Variants in ATP2C1 observed in about 807,000 individuals in gnomAD.
ATP2C1 encodes the protein ATPase secretory pathway Ca2+ transporting 1.
In ATP2C1, 31 loss-of-function variants were observed where a neutral mutation model predicts 120.5. That is an observed-to-expected ratio of 0.26 (90% confidence interval 0.19 to 0.35). ATP2C1 has a LOEUF of 0.35. ATP2C1 is among the 10% of genes least tolerant of loss of function. The pLI, the probability that ATP2C1 is intolerant of heterozygous loss-of-function variation, is 1.00. For missense variants in ATP2C1, 731 were observed against 1,107.5 expected, an observed-to-expected ratio of 0.66 and a Z score of 4.83; for synonymous variants, 351 against 358.7, an observed-to-expected ratio of 0.98 and a Z score of 0.24.
At chr3:130,888,240 C>T (rs907725061) in intron 1 of ATP2C1, among the ~76,000 whole-genome samples, 7 of 152,088 alleles carry the variant, frequency 4.6e-5, no homozygotes, top group African/African-American at 7.2e-5. Context: ...CCTCTTCATA[C>T]GCAGAGGAGT....
intron 22 of ATP2C1, among the ~76,000 whole-genome samples, chr3:130,995,312 G>T (rs1170650240): frequency 6.6e-6 from 1 of 151,996 alleles, no homozygotes; most frequent in Non-Finnish European, 1.5e-5. Context: ...CTACTCTAGA[G>T]GCTGAGCTGG....
rs1392434486 is a variant in ATP2C1 at position 130,993,014 on chromosome 3, G to C, written c.1890+13G>C. The C allele has an allele frequency of 6.2e-7, 1 of 1,608,270 alleles. No homozygotes were observed. On this transcript the variant is annotated intron_variant, in intron 21 of 27. Transcript: ENST00000510168. ...GAAAATTATTAAGGTGAGTGTGTAA[G>C]AATCAGATTGTTTTATTTCTGTATA...
intron 8 of ATP2C1, among the ~76,000 whole-genome samples, chr3:130,953,594 G>A (rs2060461471): frequency 6.6e-6 from 1 of 152,104 alleles, no homozygotes. Flanking sequence ...GGCTAATCTA[G>A]TCTCATGGTA....
At chr3:130,953,658 T>C (rs1288576398) in intron 8 of ATP2C1, among the ~76,000 whole-genome samples, 163 bp from the exon 9 acceptor site, 1 of 152,234 alleles carries the variant, frequency 6.6e-6, no homozygotes, top group African/African-American at 2.4e-5. Context: ...TATTTTAAAA[T>C]ATGATTGTAC....
In ATP2C1 at chr3:130,956,093, A is replaced by T; in HGVS notation, c.757-11A>T. The stretch of plus-strand genomic sequence containing the variant: ...GCTAATTGTGGTGACACTCTTCTTC[A>T]ATTTATCAAGGCACCAAAAACCCCT... On this transcript the variant is annotated splice_polypyrimidine_tract_variant and intron_variant, in intron 10 of 27. Coordinates refer to ENST00000510168, the MANE Select transcript of ATP2C1 (RefSeq NM_001378687.1). The T allele has an allele frequency of 6.3e-7, 1 of 1,591,262 alleles. No homozygotes were observed. Among genetic ancestry groups the T allele is most frequent in the Non-Finnish European group, 8.6e-7 (1 of 1,159,826 alleles).
At chr3:131,016,539 C>T (rs2063640607) in exon 27 of ATP2C1, 2 of 635,398 alleles carry the variant, frequency 3.1e-6, no homozygotes, top group Non-Finnish European at 5.3e-6. Flanking sequence ...GATGACCTAA[C>T]TTTATTCAAC....
chr3:130,920,515 G>T (rs1425850277), intron 2 of ATP2C1, among the ~76,000 whole-genome samples: 1 of 152,030 alleles, frequency 6.6e-6, no homozygotes, highest in East Asian at 1.9e-4. Context: ...CTTTCTTTCT[G>T]TGTTCTTGTG....
intron 1 of ATP2C1, among the ~76,000 whole-genome samples, chr3:130,889,069 C>A (rs563906729): frequency 6.6e-6 from 1 of 152,298 alleles, no homozygotes; most frequent in South Asian, 2.1e-4. Context: ...TGGAGCCTAT[C>A]CAGCGGCTCA....
chr3:130,932,621 A>T (rs2059496042), intron 4 of ATP2C1, among the ~76,000 whole-genome samples: 1 of 152,138 alleles, frequency 6.6e-6, no homozygotes, highest in Non-Finnish European at 1.5e-5. Context: ...AGCTCTCAGT[A>T]GATGATAGTT....
At chr3:130,947,676 C>G (rs756536243) in intron 8 of ATP2C1, among the ~76,000 whole-genome samples, 10 of 152,156 alleles carry the variant, frequency 6.6e-5, no homozygotes, top group African/African-American at 9.7e-5. Context: ...TTTACACTTA[C>G]AGTGATTACT....
chr3:130,967,423 C>T lies in ATP2C1; in HGVS notation c.1308+4C>T, dbSNP rs1371711808. On this transcript the variant is annotated splice_donor_region_variant and intron_variant, in intron 16 of 27. Transcript: ENST00000510168. ...CTTAATTGCTCTTGCAATGAAGGTA[C>T]GTACCTAAATTTCTCTTCTTTGACA... The T allele has an allele frequency of 7.4e-6, 12 of 1,611,870 alleles. No homozygotes were observed. The highest frequency in any genetic ancestry group is 1.3e-5 in the African/African-American group (1 of 74,926).
At chr3:130,930,118 C>T (rs1293213375) in intron 2 of ATP2C1, 4 of 394,840 alleles carry the variant, frequency 1.0e-5, no homozygotes, top group Non-Finnish European at 1.9e-5. Flanking sequence ...CTAGACAGGA[C>T]ATCTGTTTTA....
At chr3:130,879,677 A>G (rs2068721642) in intron 1 of ATP2C1, among the ~76,000 whole-genome samples, 1 of 151,988 alleles carries the variant, frequency 6.6e-6, no homozygotes, top group Non-Finnish European at 1.5e-5. Flanking sequence ...TTCCAATTTT[A>G]TACAGTATCT....
intron 1 of ATP2C1, among the ~76,000 whole-genome samples, chr3:130,884,431 C>T (rs1484595093): frequency 6.6e-6 from 1 of 152,188 alleles, no homozygotes; most frequent in African/African-American, 2.4e-5. Context: ...AACATATGGT[C>T]TGTCCCTGAG....
At chr3:130,990,395 T>C (rs1434703617) in intron 20 of ATP2C1, among the ~76,000 whole-genome samples, 1 of 151,026 alleles carries the variant, frequency 6.6e-6, no homozygotes, top group Non-Finnish European at 1.5e-5. Context: ...GGGACCCATG[T>C]TATATCCGAG....
At chr3:130,917,237 T>G (rs2058729103) in intron 2 of ATP2C1, among the ~76,000 whole-genome samples, 1 of 152,222 alleles carries the variant, frequency 6.6e-6, no homozygotes, top group Non-Finnish European at 1.5e-5. Context: ...TTCGGTAGGT[T>G]AGGTGTATGA....
chr3:130,866,297 C>A (rs1393298927), intron 1 of ATP2C1, among the ~76,000 whole-genome samples: 1 of 152,200 alleles, frequency 6.6e-6, no homozygotes, highest in East Asian at 1.9e-4. Flanking sequence ...TTTGCTCTGT[C>A]CCCAACATAA....
At chr3:130,974,168 T>C (rs2108733382) in intron 17 of ATP2C1, among the ~76,000 whole-genome samples, 1 of 152,322 alleles carries the variant, frequency 6.6e-6, no homozygotes, top group Admixed American at 6.5e-5. Flanking sequence ...GAATGAATGA[T>C]AGGTATACAG....
At chr3:130,912,609 GC>G in intron 2 of ATP2C1, among the ~76,000 whole-genome samples, 1 of 140,268 alleles carries the variant, frequency 7.1e-6, no homozygotes, top group Non-Finnish European at 1.5e-5. Context: ...AACAACAGGT[GC>G]TGGAGAGGAT....
Sources: allele counts gnomAD v4.1 joint callset (sites outside exome capture counted in the v4.1 genomes callset), GRCh38; gene constraint gnomAD v4.1.1; transcripts MANE v1.5; gene names NCBI Gene and HGNC (gene_info 2026-07-23, HGNC 2026-07-21).